PRSS23: variants seen among roughly 807,000 people sequenced by gnomAD.
The protein encoded by PRSS23 is serine protease 23.
Under a neutral mutation model 34.7 loss-of-function variants are expected in PRSS23, and 25 were observed. The observed-to-expected ratio is 0.72, with a 90% confidence interval of 0.53 to 1.01. The LOEUF (loss-of-function observed/expected upper bound fraction) is 1.01. PRSS23 is among the 50% of genes least tolerant of loss of function. The probability of loss-of-function intolerance (pLI) is 0.00; values close to 1 mark genes in which losing one functional copy is unlikely to be tolerated. For missense variants in PRSS23, 445 were observed against 475.6 expected (o/e 0.94, Z 0.60); for synonymous variants, 176 against 186.6 (o/e 0.94, Z 0.46).
rs1269164709 is a variant in PRSS23, at chr11:86,887,110, A to G, written c.206+63517A>G. On this transcript the variant is annotated intron_variant, in intron 2 of 2. Coordinates refer to the PRSS23 transcript ENST00000533902. ...AAGGAGGTTAAATAATTCACCCAAG[A>G]TCACTATATAGCAGAACTCAAGGTA... is the stretch of plus-strand genomic sequence containing the variant. 2.0e-5 allele frequency among the ~76,000 whole-genome samples: 3 copies of G among 152,210 alleles called. No individual in the cohort carries two copies. In the East Asian group the frequency reaches 5.8e-4, roughly 29 times the overall value.
intron 2 of PRSS23, among the ~76,000 whole-genome samples, chr11:86,878,213 T>TC (rs1948738480): frequency 1.1e-5 from 1 of 92,826 alleles, no homozygotes; most frequent in East Asian, 3.3e-4. Context: ...TTTCTCCCTC[T>TC]CCCTCCCCCT....
At chr11:86,905,274 C>T (rs962845808) in intron 2 of PRSS23, among the ~76,000 whole-genome samples, 5 of 152,150 alleles carry the variant, frequency 3.3e-5, no homozygotes, top group African/African-American at 1.2e-4. Context: ...AGTAACAATG[C>T]TGGAAAATTG....
At chr11:86,933,357 T>C (rs1949139132) in intron 2 of PRSS23, 1 of 152,336 alleles carries the variant, frequency 6.6e-6, no homozygotes, top group East Asian at 1.9e-4. Flanking sequence ...CGTGATTTCA[T>C]TTCCTATCTG....
chr11:86,799,697 T>C (rs1948006859), upstream of PRSS23, among the ~76,000 whole-genome samples: 1 of 146,088 alleles, frequency 6.8e-6, no homozygotes, highest in African/African-American at 2.5e-5. Flanking sequence ...CCCCCTACCC[T>C]GGCCCCCAAC....
intron 2 of PRSS23, among the ~76,000 whole-genome samples, chr11:86,868,068 G>GAA (rs5793218): frequency 1.3e-5 from 2 of 151,554 alleles, no homozygotes; most frequent in Non-Finnish European, 2.9e-5. Flanking sequence ...GGCCAAGGAG[G>GAA]AAAAAAAAGT....
chr11:86,922,817 C>T (rs892352290), intron 2 of PRSS23, among the ~76,000 whole-genome samples: 1 of 152,150 alleles, frequency 6.6e-6, no homozygotes, highest in Non-Finnish European at 1.5e-5. Flanking sequence ...CTTCATATTC[C>T]TGCATCTAAC....
chr11:86,924,235 T>A (rs1381945858), intron 2 of PRSS23, among the ~76,000 whole-genome samples: 3 of 152,034 alleles, frequency 2.0e-5, no homozygotes, highest in African/African-American at 4.8e-5. Context: ...CACAGAAAGG[T>A]CGGCACCTGA....
rs377700848 is a variant in PRSS23, at chr11:86,888,466, C to T, written c.207-62750C>T. Among the ~76,000 whole-genome samples, 4 of 152,198 alleles carry T rather than the reference C, an allele frequency of 2.6e-5. No homozygotes were observed. The East Asian group carries it at 5.8e-4, about 22-fold the overall frequency. On this transcript the variant is annotated intron_variant, in intron 2 of 2. Coordinates refer to the PRSS23 transcript ENST00000533902. ...ACTCTAAATCCAAGCACTTCACCCT[C>T]TGAAAGGCTTGTCATGGGGCAAAAG...
At chr11:86,923,504 C>T (rs1394955706) in intron 2 of PRSS23, among the ~76,000 whole-genome samples, 1 of 152,106 alleles carries the variant, frequency 6.6e-6, no homozygotes, top group Admixed American at 6.6e-5. Context: ...AGACTATAGG[C>T]CACCAATTGG....
chr11:86,821,637 G>A, intron 1 of PRSS23: 3 of 1,590,058 alleles, frequency 1.9e-6, no homozygotes, highest in South Asian at 2.2e-5. Context: ...TTTCATCTTG[G>A]CCTTCAGCTG....
intron 2 of PRSS23, among the ~76,000 whole-genome samples, chr11:86,905,437 A>G (rs1276879248): frequency 6.6e-6 from 1 of 152,144 alleles, no homozygotes; most frequent in Non-Finnish European, 1.5e-5. Flanking sequence ...CCTCTTCAGG[A>G]GGTGGAGAGT....
chr11:86,813,633 G>A (rs2135607782), downstream of PRSS23, among the ~76,000 whole-genome samples: 1 of 152,178 alleles, frequency 6.6e-6, no homozygotes, highest in East Asian at 1.9e-4. Context: ...AAAATCAGAA[G>A]AAGAAAGTTA....
intron 2 of PRSS23, chr11:86,947,833 T>C (rs1024464292): frequency 3.9e-5 from 6 of 152,238 alleles, no homozygotes; most frequent in Non-Finnish European, 5.9e-5. Flanking sequence ...AGAGGTGCCA[T>C]TGCACCATGT....
chr11:86,877,279 A>G (rs77676392), intron 2 of PRSS23, among the ~76,000 whole-genome samples: 5,548 of 152,288 alleles, frequency 0.036, 137 homozygotes, highest in Middle Eastern at 0.12. Flanking sequence ...GTGCTACTGC[A>G]AAACTGATGG....
intron 2 of PRSS23, among the ~76,000 whole-genome samples, chr11:86,876,045 T>C (rs1948722074): frequency 6.6e-6 from 1 of 152,230 alleles, no homozygotes; most frequent in African/African-American, 2.4e-5. Flanking sequence ...GGTAGACGTG[T>C]ACAAGTCACT....
chr11:86,929,446 G>C (rs7107295), intron 2 of PRSS23, among the ~76,000 whole-genome samples: 94,900 of 151,832 alleles, frequency 0.63, 30,153 homozygotes, highest in Non-Finnish European at 0.69. Flanking sequence ...AGTTCAAGAT[G>C]AGCCTGGCCA....
At chr11:86,828,272 T>C (rs1169971359) in intron 2 of PRSS23, among the ~76,000 whole-genome samples, 6 of 152,142 alleles carry the variant, frequency 3.9e-5, no homozygotes, top group African/African-American at 1.2e-4. Context: ...CTCTTTTGAT[T>C]TTTGTTGGTT....
chr11:86,920,440 A>G (rs76293241), intron 2 of PRSS23, among the ~76,000 whole-genome samples: 5,380 of 152,352 alleles, frequency 0.035, 119 homozygotes, highest in South Asian at 0.087. Context: ...GAGAAGGAGG[A>G]AAAACTTCCA....
At chr11:86,952,901 T>TA (rs200014931) in exon 3 of PRSS23, 2,132 of 158,962 alleles carry the variant, frequency 0.013, 27 homozygotes, top group South Asian at 0.039. Flanking sequence ...AAATAAAAGT[T>TA]AAAAAAAAAT....
Sources: allele counts gnomAD v4.1 joint callset (sites outside exome capture counted in the v4.1 genomes callset), GRCh38; gene constraint gnomAD v4.1.1; transcripts MANE v1.5; gene names NCBI Gene and HGNC (gene_info 2026-07-23, HGNC 2026-07-21).